RCBTB1: variants seen among roughly 807,000 people sequenced by gnomAD.
RCBTB1 encodes the protein RCC1 and BTB domain containing protein 1, also known as RCC1 and BTB domain-containing protein 1.
A neutral mutation model predicts 62.4 loss-of-function variants in RCBTB1; 46 were observed. The observed-to-expected ratio is 0.74, with a 90% CI of 0.58 to 0.94. RCBTB1 has a LOEUF of 0.94. Ranked by LOEUF, RCBTB1 falls within the 40% of genes least tolerant of loss-of-function variation. The pLI, the probability that RCBTB1 is intolerant of heterozygous loss-of-function variation, is 0.00. For missense variants in RCBTB1, 565 were observed against 654.9 expected, an observed-to-expected ratio of 0.86 and a Z score of 1.50; for synonymous variants, 222 against 245.8, an observed-to-expected ratio of 0.90 and a Z score of 0.91.
At chr13:49,541,976 G>A (rs1421266278) in intron 10 of RCBTB1, 149 bp from the exon 11 acceptor site, 9 of 801,600 alleles carry the variant, frequency 1.1e-5, no homozygotes, top group African/African-American at 1.8e-5. Flanking sequence ...AGCACTTTGG[G>A]AGGCCAAGCG....
intron 9 of RCBTB1, 123 bp downstream of exon 9, chr13:49,549,335 A>T: frequency 1.2e-6 from 1 of 842,326 alleles, no homozygotes; most frequent in Non-Finnish European, 1.8e-6. Context: ...TTTTGACGGA[A>T]CGTATGAAAG....
rs529084271 is a variant in RCBTB1, at chr13:49,537,432, G to A, written c.1456-3170C>T. ...AGACTTTTCATTTGGCCCACCAAAA[G>A]AAGAAAAAAACGCTGGCCACCAAGC... On this transcript the variant is annotated intron_variant, in intron 12 of 12. Transcript: ENST00000378302. Among the ~76,000 whole-genome samples, 89 of 152,222 alleles carry A rather than the reference G, an allele frequency of 5.8e-4. 1 individual carries two copies. Among genetic ancestry groups the A allele is most frequent in the African/African-American group, 2.1e-3 (87 of 41,546 alleles).
In RCBTB1 at chr13:49,551,150, GA is replaced by G. The variant is rs202093085; in HGVS notation, c.854+175del. 5.6e-4 allele frequency: 320 copies of G among 575,272 alleles called. 4 individuals carry two copies. The South Asian group carries it at 6.2e-3, about 11-fold the overall frequency. 35.6% of individuals were successfully genotyped at this position (575,272 alleles called of 1,614,324 possible). ...GGGGGGAGGGAGAAGGGGGAAGGGG[GA>G]AGCAGGGAGGGAGAAGGAGGAAGGG... On this transcript the variant is annotated intron_variant, in intron 8 of 12. Transcript: ENST00000378302.
intron 5 of RCBTB1, among the ~76,000 whole-genome samples, chr13:49,557,056 G>A (rs1012980072): frequency 5.3e-5 from 8 of 152,290 alleles, no homozygotes; most frequent in Middle Eastern, 3.4e-3. Context: ...TGCTATGCCT[G>A]GCTCCAGCAC....
At chr13:49,581,972 A>G (rs545832056) in intron 1 of RCBTB1, among the ~76,000 whole-genome samples, 1 of 152,412 alleles carries the variant, frequency 6.6e-6, no homozygotes, top group East Asian at 1.9e-4. Context: ...CAACTTGTTC[A>G]AGAAATTTCA....
At chr13:49,541,079 G>T in intron 11 of RCBTB1, 73 bp from the exon 12 acceptor site, 1 of 1,341,860 alleles carries the variant, frequency 7.5e-7, no homozygotes, top group South Asian at 1.3e-5. Flanking sequence ...TTGTTTTGGT[G>T]AACAGAGGTG....
At chr13:49,534,335 C>T (rs145362282) in intron 12 of RCBTB1, 73 bp from the exon 13 acceptor site, 30 of 1,466,032 alleles carry the variant, frequency 2.0e-5, no homozygotes, top group Non-Finnish European at 2.7e-5. Flanking sequence ...TCTCTCTGAG[C>T]CCTTTACCCC....
chr13:49,577,858 G>A (rs558025787), intron 2 of RCBTB1, among the ~76,000 whole-genome samples: 123 of 152,302 alleles, frequency 8.1e-4, no homozygotes, highest in Middle Eastern at 6.8e-3. Context: ...TATGCAAAAT[G>A]ATATTTTTAA....
At position 49,539,120 on chromosome 13, in the gene RCBTB1, C is replaced by T. The variant is rs190310593; in HGVS notation, c.1455+1756G>A. Among the ~76,000 whole-genome samples, 289 of 152,102 alleles carry T rather than the reference C, an allele frequency of 1.9e-3. 1 individual carries two copies. The highest frequency in any genetic ancestry group is 6.6e-3 in the African/African-American group (273 of 41,516). On this transcript the variant is annotated intron_variant, in intron 12 of 12. Transcript: ENST00000378302. Reference sequence around the variant, plus strand: ...CCTGATCTCAAGTGGCCCACCTTGGCCTCCCAAAGTGCCGGGATTACAGGC... The same window carrying T: ...CCTGATCTCAAGTGGCCCACCTTGGTCTCCCAAAGTGCCGGGATTACAGGC...
chr13:49,537,385 T>C (rs1287851843), intron 12 of RCBTB1, among the ~76,000 whole-genome samples: 1 of 152,196 alleles, frequency 6.6e-6, no homozygotes, highest in Non-Finnish European at 1.5e-5. Context: ...CAAAAAACAT[T>C]TGTCAGCCTA....
chr13:49,582,201 G>A (rs1205349114), intron 1 of RCBTB1, among the ~76,000 whole-genome samples: 6 of 152,234 alleles, frequency 3.9e-5, no homozygotes, highest in African/African-American at 1.4e-4. Context: ...AAGTGCAACA[G>A]AAGCGCCGGG....
At chr13:49,570,529 A>G (rs1263327066) in intron 2 of RCBTB1, among the ~76,000 whole-genome samples, 1 of 152,238 alleles carries the variant, frequency 6.6e-6, no homozygotes, top group Non-Finnish European at 1.5e-5. Context: ...TTTTAAAATC[A>G]GTCAGTATGA....
intron 1 of RCBTB1, among the ~76,000 whole-genome samples, chr13:49,584,011 G>GTCC (rs1594369978): frequency 6.6e-6 from 1 of 152,074 alleles, no homozygotes; most frequent in East Asian, 1.9e-4. Context: ...CATAATAAAG[G>GTCC]TCCTCACTTT....
chr13:49,574,684 T>TAA (rs200928511), intron 2 of RCBTB1, among the ~76,000 whole-genome samples: 39 of 85,736 alleles, frequency 4.5e-4, no homozygotes, highest in African/African-American at 1.4e-3. Context: ...GGTGATTCCT[T>TAA]AAAAAAAAAA....
At chr13:49,551,127 G>A in intron 8 of RCBTB1, 199 bp downstream of exon 8, 2 of 538,058 alleles carry the variant, frequency 3.7e-6, no homozygotes, top group Non-Finnish European at 6.4e-6. Flanking sequence ...GAAGGGAAGG[G>A]GGGAGGGAGA....
At chr13:49,554,681 C>G (rs139376833) in intron 6 of RCBTB1, among the ~76,000 whole-genome samples, 539 of 152,294 alleles carry the variant, frequency 3.5e-3, no homozygotes, top group African/African-American at 0.012. Context: ...CCATTGTGAA[C>G]TGCACAACAA....
At chr13:49,566,586 A>C (rs577174062) in intron 4 of RCBTB1, 32 bp downstream of exon 4, 56 of 1,600,450 alleles carry the variant, frequency 3.5e-5, no homozygotes, top group Non-Finnish European at 4.7e-5. Flanking sequence ...AATTTCTTAC[A>C]AACTGAAAAG....
Position 49,549,572 on chromosome 13 carries a change from C to T in RCBTB1, c.931G>A (p.Gly311Ser). The T allele has an allele frequency of 1.9e-6, 3 of 1,614,156 alleles. No individual in the cohort carries two copies. Among genetic ancestry groups the T allele is most frequent in the Non-Finnish European group, 2.5e-6 (3 of 1,180,020 alleles). The change falls in exon 9 of 13, where the codon GGC (glycine) becomes AGC (serine). Residue 311 changes from glycine (G) to serine (S), a missense_variant. Coordinates refer to ENST00000378302, the MANE Select transcript of RCBTB1 (RefSeq NM_018191.4). ...ATCACGGACTGACCCCGGCACTGGCCCCACATGTACACGTGCCCACCCTGC... is the reference window on the plus strand; with the variant it reads ...ATCACGGACTGACCCCGGCACTGGCTCCACATGTACACGTGCCCACCCTGC... Reference protein sequence around the residue: ...KTQGGHVYMWGQCRGQSVILP... With the variant: ...KTQGGHVYMWSQCRGQSVILP...
chr13:49,583,168 C>T (rs1037020448), intron 1 of RCBTB1, among the ~76,000 whole-genome samples: 1 of 151,922 alleles, frequency 6.6e-6, no homozygotes, highest in Non-Finnish European at 1.5e-5. Flanking sequence ...TAGTGAGACC[C>T]TGTCTCAAAA....
Sources: allele counts gnomAD v4.1 joint callset (sites outside exome capture counted in the v4.1 genomes callset), GRCh38; gene constraint gnomAD v4.1.1; transcripts MANE v1.5; gene names NCBI Gene and HGNC (gene_info 2026-07-23, HGNC 2026-07-21).